The following CLPSL1 variants were observed in gnomAD, a reference collection of about 807,000 sequenced individuals.
CLPSL1 encodes colipase-like protein 1.
A neutral mutation model predicts 9.3 loss-of-function variants in CLPSL1; 13 were observed. That is an observed-to-expected ratio of 1.40 (90% CI 0.91 to 2.22). The LOEUF (loss-of-function observed/expected upper bound fraction) is 2.22, where lower values mean the gene tolerates loss of function less well. Ranked by LOEUF, CLPSL1 falls within the 30% of genes most tolerant of loss-of-function variation. CLPSL1 has a pLI of 0.00. For synonymous variants in CLPSL1, 58 were observed against 56.9 expected (o/e 1.02, Z -0.08); for missense variants, 164 against 146.6 (o/e 1.12, Z -0.61).
At chr6:35,793,939 G>A (rs1354845675), downstream of CLPSL1, among the ~76,000 whole-genome samples, 1 of 152,248 alleles carries the variant, frequency 6.6e-6, no homozygotes, top group Non-Finnish European at 1.5e-5. Flanking sequence ...GGCTCCAGGG[G>A]ATATACAATT....
At chr6:35,784,379 C>A (rs1561939894) in intron 1 of CLPSL1, among the ~76,000 whole-genome samples, 1 of 152,082 alleles carries the variant, frequency 6.6e-6, no homozygotes, top group Non-Finnish European at 1.5e-5. Flanking sequence ...GACTTAAGGT[C>A]TTTGTTAATG....
rs35079833 is a variant in CLPSL1 at position 35,785,946 on chromosome 6, CAAAAAAAAA to C, written c.100-1041_100-1033del. ...CCTGGGTGACAGAGTGAGACTTTGT[CAAAAAAAAA>C]AAAAAAAAAAGGAAAGGAAAGAAAG... is the stretch of plus-strand genomic sequence containing the variant. On this transcript the variant is annotated intron_variant, in intron 1 of 2. Transcript: ENST00000373861. 9.4e-4 allele frequency among the ~76,000 whole-genome samples: 104 copies of C among 110,752 alleles called. 1 individual carries two copies. Among genetic ancestry groups the C allele is most frequent in the Middle Eastern group, 9.7e-3 (2 of 206 alleles). 72.7% of individuals were successfully genotyped at this position (110,752 alleles called of 152,430 possible). A position where few individuals can be genotyped will look rare whatever the true frequency, so the allele number is the denominator to read the frequency against.
At chr6:35,785,174 A>ATT (rs34500810) in intron 1 of CLPSL1, among the ~76,000 whole-genome samples, 30,270 of 115,638 alleles carry the variant, frequency 0.26, 4,586 homozygotes, top group Middle Eastern at 0.34. Context: ...GCCCCTGGAA[A>ATT]TTTTTTTTTT....
downstream of CLPSL1, among the ~76,000 whole-genome samples, chr6:35,791,366 T>C (rs1267875598): frequency 6.6e-6 from 1 of 152,084 alleles, no homozygotes; most frequent in Non-Finnish European, 1.5e-5. Context: ...ATCCTAGCAC[T>C]TTGGGAGGCT....
downstream of CLPSL1, among the ~76,000 whole-genome samples, chr6:35,792,178 G>T (rs1768233558): frequency 6.6e-6 from 1 of 152,224 alleles, no homozygotes. Flanking sequence ...GGGAACTGAG[G>T]TGGGAGGATC....
chr6:35,787,020 G>T lies in CLPSL1; in HGVS notation c.122G>T (p.Arg41Leu). Residue 41 changes from arginine to leucine, a missense_variant, in exon 2 of 3, where the codon CGG becomes CTG. Transcript: ENST00000373861. ...CAGGAGCTCAAGGAGTCTTGCATCC[G>T]GAACCAGGACTGCGAGACTGGCTGC... is the stretch of plus-strand genomic sequence containing the variant. ...NLLELKESCI[R>L]NQDCETGCCQ... The T allele has an allele frequency of 1.3e-6, 2 of 1,587,892 alleles. No individual in the cohort carries two copies. The highest frequency in any genetic ancestry group is 1.7e-6 in the Non-Finnish European group (2 of 1,169,070).
downstream of CLPSL1, among the ~76,000 whole-genome samples, chr6:35,793,910 A>G (rs1768274053): frequency 2.0e-5 from 3 of 152,278 alleles, no homozygotes; most frequent in African/African-American, 7.2e-5. Flanking sequence ...AGTACTGCCT[A>G]AGGTAACTCA....
At chr6:35,786,321 A>G (rs1260844023) in intron 1 of CLPSL1, among the ~76,000 whole-genome samples, 6 of 152,248 alleles carry the variant, frequency 3.9e-5, no homozygotes, top group Admixed American at 3.3e-4. Flanking sequence ...AGTGCTCAGT[A>G]GTGGCTAGTG....
chr6:35,788,537 C>T (rs1768134360), downstream of CLPSL1, among the ~76,000 whole-genome samples: 1 of 152,270 alleles, frequency 6.6e-6, no homozygotes, highest in African/African-American at 2.4e-5. Flanking sequence ...CACATGATCT[C>T]ATTTAATCCT....
Position 35,787,928 on chromosome 6 carries a change from A to G in CLPSL1, c.284A>G (p.Lys95Arg), listed in dbSNP as rs1006682014. 5 of 1,611,850 alleles carry G rather than the reference A, an allele frequency of 3.1e-6. No homozygotes were observed. The highest frequency in any genetic ancestry group is 4.2e-6 in the Non-Finnish European group (5 of 1,177,896). Reference sequence around the variant, plus strand: ...CGGAACCTGACTTGTATATATTCAAAGAATGAGAAATGGCTTAGCATCGCC... The same window carrying G: ...CGGAACCTGACTTGTATATATTCAAGGAATGAGAAATGGCTTAGCATCGCC... ...CLRNLTCIYS[K>R]NEKWLSIAYG... Residue 95 changes from lysine (K) to arginine (R), a missense_variant, in exon 3 of 3, where the codon AAG (lysine) becomes AGG (arginine). Lys to Arg is a conservative substitution (Grantham distance 26, BLOSUM62 2). Transcript: ENST00000373861.
chr6:35,786,595 TC>T (rs1305505299), intron 1 of CLPSL1, among the ~76,000 whole-genome samples: 1 of 151,862 alleles, frequency 6.6e-6, no homozygotes, highest in Non-Finnish European at 1.5e-5. Context: ...TGGGTGGAGG[TC>T]ATTGATGTGT....
rs773443751 is a variant in CLPSL1 at position 35,781,193 on chromosome 6, CA to C, written c.87del (p.Lys29AsnfsTer61). On this transcript the variant is annotated frameshift_variant, in exon 1 of 3. Transcript: ENST00000373861. LOFTEE classifies it high-confidence loss of function. ...FLLTRGSLSP[T>X]KYNLLELKES... Reference sequence around the variant, plus strand: ...CTCACCAGGGGCTCACTTTCTCCAACAAAATACAACCTTTTGGTAAGAAAGC... The same window carrying C: ...CTCACCAGGGGCTCACTTTCTCCAACAAATACAACCTTTTGGTAAGAAAGC... 2.5e-6 allele frequency: 4 copies of C among 1,613,788 alleles called. No individual in the cohort carries two copies. The South Asian group carries it at 4.4e-5, about 18-fold the overall frequency.
At chr6:35,786,949 G>T in intron 1 of CLPSL1, 49 bp from the exon 2 acceptor site, 1 of 1,546,236 alleles carries the variant, frequency 6.5e-7, no homozygotes, top group South Asian at 1.2e-5. Context: ...GGGCGGCGAG[G>T]GCGGAAGGCG....
chr6:35,784,226 T>G (rs981696553), intron 1 of CLPSL1, among the ~76,000 whole-genome samples: 1 of 152,176 alleles, frequency 6.6e-6, no homozygotes, highest in Non-Finnish European at 1.5e-5. Context: ...CAAATTCTGA[T>G]TGGCAGTTGG....
intron 2 of CLPSL1, among the ~76,000 whole-genome samples, chr6:35,787,488 C>T (rs1768106281): frequency 6.6e-6 from 1 of 152,268 alleles, no homozygotes; most frequent in Non-Finnish European, 1.5e-5. Context: ...TCTGCTGTGG[C>T]CCCGGGTGTT....
At chr6:35,788,442 T>C (rs1468707294), downstream of CLPSL1, among the ~76,000 whole-genome samples, 4 of 152,262 alleles carry the variant, frequency 2.6e-5, no homozygotes, top group African/African-American at 9.6e-5. Context: ...TGAAAGAAGG[T>C]ACACAAAATA....
downstream of CLPSL1, among the ~76,000 whole-genome samples, chr6:35,790,558 G>A (rs772897234): frequency 5.3e-5 from 8 of 152,228 alleles, no homozygotes; most frequent in East Asian, 9.6e-4. Flanking sequence ...TAGAATTTGC[G>A]GGTTATGTAC....
Position 35,787,064 on chromosome 6 carries a change from A to T in CLPSL1, c.166A>T (p.Asn56Tyr), listed in dbSNP as rs1465568141. The T allele has an allele frequency of 6.8e-6, 11 of 1,606,990 alleles. No individual in the cohort carries two copies. The highest frequency in any genetic ancestry group is 9.3e-6 in the Non-Finnish European group (11 of 1,178,042). The part of the protein sequence containing the change: ...ETGCCQRAPD[N>Y]CESHCAEKGS... Reference sequence around the variant, plus strand: ...TGGCTGCTGCCAACGTGCTCCAGACAATTGCGAGTCGCACTGCGCGGAGAA... The same window carrying T: ...TGGCTGCTGCCAACGTGCTCCAGACTATTGCGAGTCGCACTGCGCGGAGAA... Residue 56 changes from asparagine to tyrosine, a missense_variant, in exon 2 of 3, where the codon AAT (asparagine) becomes TAT (tyrosine). Coordinates refer to ENST00000373861, the MANE Select transcript of CLPSL1 (RefSeq NM_001010886.5).
intron 1 of CLPSL1, among the ~76,000 whole-genome samples, chr6:35,783,717 AG>A (rs1476804124): frequency 6.6e-6 from 1 of 150,916 alleles, no homozygotes; most frequent in African/African-American, 2.4e-5. Flanking sequence ...CTGAGGCAGG[AG>A]AATGGCGTGA....
Sources: gnomAD v4.1 joint callset for allele counts (sites outside exome capture counted in the v4.1 genomes callset) on GRCh38, gnomAD v4.1.1 for gene constraint, MANE v1.5 for transcripts, NCBI Gene and HGNC (gene_info 2026-07-23, HGNC 2026-07-21) for gene names.